PURG: variants seen among roughly 807,000 people sequenced by gnomAD.
PURG encodes purine rich element binding protein G.
In PURG, 3 loss-of-function variants were observed where a neutral mutation model predicts 24.3. That is an observed-to-expected ratio of 0.12 (90% CI 0.06 to 0.32). PURG has a LOEUF of 0.32. PURG is among the 10% of genes least tolerant of loss of function. The probability of loss-of-function intolerance (pLI) is 1.00; values close to 1 mark genes in which losing one functional copy is unlikely to be tolerated. For missense variants in PURG, 371 were observed against 439.1 expected (o/e 0.84, Z 1.39); for synonymous variants, 180 against 173.1 (o/e 1.04, Z -0.31).
chr8:31,017,048 G>A lies in PURG; in HGVS notation c.864+14871C>T, dbSNP rs151033427. On this transcript the variant is annotated intron_variant, in intron 1 of 1. Transcript: ENST00000339382. The stretch of plus-strand genomic sequence containing the variant: ...CACATATTAGAAGAGACACATTCCA[G>A]GTGAGTCACATGGTAGTTTGTGCTG... 2.4e-3 allele frequency among the ~76,000 whole-genome samples: 372 copies of A among 152,286 alleles called. 8 individuals carry two copies. In the East Asian group the frequency reaches 0.039, roughly 16 times the overall value.
In PURG at chr8:31,014,477, T is replaced by G. The variant is rs1335425489; in HGVS notation, c.864+17442A>C. Among the ~76,000 whole-genome samples the G allele has an allele frequency of 2.0e-5, 3 of 152,180 alleles. No individual in the cohort carries two copies. In the South Asian group the frequency reaches 6.2e-4, roughly 32 times the overall value. On this transcript the variant is annotated intron_variant, in intron 1 of 1. Transcript: ENST00000339382. ...TTTACAGAATAAGAGTTTAAAAAAT[T>G]TATTTCTCGGGTTGAGTATTTTCTT... is the stretch of plus-strand genomic sequence containing the variant.
Position 31,031,992 on chromosome 8 carries a change from C to T in PURG, c.791G>A (p.Gly264Glu). The T allele has an allele frequency of 2.5e-6, 4 of 1,614,160 alleles. No individual in the cohort carries two copies. The highest frequency in any genetic ancestry group is 3.4e-6 in the Non-Finnish European group (4 of 1,180,038). Residue 264 changes from glycine (G) to glutamate (E), a missense_variant, in exon 2 of 2, where the codon GGG becomes GAG. By Grantham distance (98) the Gly-to-Glu change is moderately conservative (BLOSUM62 -2). Coordinates refer to ENST00000523392, the MANE Select transcript of PURG (RefSeq NM_001323311.2). The stretch of plus-strand genomic sequence containing the variant: ...TTTATTGTCCACTCTGAAAGAAGTC[C>T]CCTCTGGGAGTTCAAGCGGGTCATC... The part of the protein sequence containing the change: ...GDDDPLELPE[G>E]TSFRVDNKRF...
chr8:30,996,626 C>T (rs1402750366), exon 2 of PURG: 1 of 1,611,758 alleles, frequency 6.2e-7, no homozygotes. Flanking sequence ...TATCATGGGG[C>T]TGTTCCTTAT....
Position 31,032,138 on chromosome 8 carries a change from A to T in PURG, c.645T>A (p.Ser215Arg). 6.2e-7 allele frequency: 1 copy of T among 1,614,088 alleles called. No individual in the cohort carries two copies. The highest frequency in any genetic ancestry group is 8.5e-7 in the Non-Finnish European group (1 of 1,179,984). Residue 215 changes from serine (S) to arginine (R), a missense_variant, in exon 2 of 2, where the codon AGT (serine) becomes AGA (arginine). Physicochemically the swap from Ser to Arg is moderately radical, Grantham distance 110. Coordinates refer to ENST00000523392, the MANE Select transcript of PURG (RefSeq NM_001323311.2). This position sits in a 1 kb window ranked among gnomAD's most constrained non-coding sequence, Gnocchi z 5.9. ...GTGMIGYFGH[S>R]LGQEQTIVLP... Reference sequence around the variant, plus strand: ...GGACAATAGTCTGTTCTTGGCCCAAACTGTGGCCAAAATAACCTATCATGC... The same window carrying T: ...GGACAATAGTCTGTTCTTGGCCCAATCTGTGGCCAAAATAACCTATCATGC...
At position 31,031,583 on chromosome 8, in the gene PURG, T is replaced by G; in HGVS notation, c.*156A>C. On this transcript the variant is annotated 3_prime_UTR_variant, in exon 2 of 2. Transcript: ENST00000523392. ...GAATTATAGTGATCTATGTGTAACA[T>G]AACATGAGAATCAGACTTCCTGAAG... The G allele has an allele frequency of 1.5e-6, 1 of 684,660 alleles. No homozygotes were observed. The highest frequency in any genetic ancestry group is 2.4e-6 in the Non-Finnish European group (1 of 413,464). 42.4% of individuals were successfully genotyped at this position (684,660 alleles called of 1,614,324 possible).
intron 1 of PURG, among the ~76,000 whole-genome samples, chr8:31,021,224 T>C (rs755156341): frequency 6.6e-6 from 1 of 152,140 alleles, no homozygotes; most frequent in African/African-American, 2.4e-5. Context: ...AAAATATTGA[T>C]AAGATTTATT....
At chr8:31,002,464 T>C (rs754613245) in intron 1 of PURG, among the ~76,000 whole-genome samples, 1 of 152,188 alleles carries the variant, frequency 6.6e-6, no homozygotes, top group Non-Finnish European at 1.5e-5. Flanking sequence ...TTTGCAATGA[T>C]ACCATGTAAA....
intron 1 of PURG, among the ~76,000 whole-genome samples, chr8:31,010,194 A>T (rs917993841): frequency 5.3e-5 from 8 of 152,276 alleles, no homozygotes; most frequent in Non-Finnish European, 8.8e-5. Context: ...ATGTAGTTTT[A>T]CATCTTAAAT....
rs1218431862 is a variant in PURG at position 31,031,026 on chromosome 8, A to G, written c.*713T>C. On this transcript the variant is annotated 3_prime_UTR_variant, in exon 2 of 2. Coordinates refer to ENST00000523392, the MANE Select transcript of PURG (RefSeq NM_001323311.2). ...AATAAAAATATATGGAACATTAAGTAGAGGTAAAGAAGGGATTGTAACTAA... is the reference window on the plus strand; with the variant it reads ...AATAAAAATATATGGAACATTAAGTGGAGGTAAAGAAGGGATTGTAACTAA... 1 of 152,578 alleles carries G rather than the reference A, an allele frequency of 6.6e-6. No individual in the cohort carries two copies. Among genetic ancestry groups the G allele is most frequent in the African/African-American group, 2.4e-5 (1 of 41,468 alleles). 9.5% of individuals were successfully genotyped at this position (152,578 alleles called of 1,614,324 possible). A position where few individuals can be genotyped will look rare whatever the true frequency, so the allele number is the denominator to read the frequency against.
rs922013857 is a variant in PURG at position 31,030,857 on chromosome 8, C to A, written c.*882G>T. 5.9e-5 allele frequency: 9 copies of A among 151,626 alleles called. No homozygotes were observed. Among genetic ancestry groups the A allele is most frequent in the Non-Finnish European group, 1.3e-4 (9 of 67,834 alleles). 9.4% of individuals were successfully genotyped at this position (151,626 alleles called of 1,614,324 possible). ...AGCATAAAGTATAACACCTTGAGTC[C>A]ATGATATATTTTGGGGAAGAAACCT... On this transcript the variant is annotated 3_prime_UTR_variant, in exon 2 of 2. Transcript: ENST00000523392.
At chr8:31,020,822 T>C (rs1810976425) in intron 1 of PURG, among the ~76,000 whole-genome samples, 1 of 152,120 alleles carries the variant, frequency 6.6e-6, no homozygotes, top group Non-Finnish European at 1.5e-5. Context: ...CTGACAGCAG[T>C]GTGGTTCTTA....
chr8:31,007,154 CAT>C (rs1199553269), intron 1 of PURG, among the ~76,000 whole-genome samples: 1 of 152,124 alleles, frequency 6.6e-6, no homozygotes, highest in African/African-American at 2.4e-5. Context: ...AAAGGACAGT[CAT>C]GTGCTGTTTC....
rs752205523 is a variant in PURG, at chr8:31,031,896, T to C, written c.887A>G (p.Tyr296Cys). The change falls in exon 2 of 2, where the codon TAC becomes TGC. Residue 296 changes from tyrosine to cysteine, a missense_variant. Around this residue, in one of 5 missense-constraint regions of PURG, gnomAD observed 103 missense variants for 127.7 expected, o/e 0.81. Coordinates refer to ENST00000523392, the MANE Select transcript of PURG (RefSeq NM_001323311.2). Reference sequence around the variant, plus strand: ...GAATGGAACAGTAATAGTATTACGGTAAGGTGGTCTCACCTCACTTACCTT... The same window carrying C: ...GAATGGAACAGTAATAGTATTACGGCAAGGTGGTCTCACCTCACTTACCTT... ...FLKVSEVRPP[Y>C]RNTITVPFKA... The C allele has an allele frequency of 2.5e-6, 4 of 1,613,990 alleles. No individual in the cohort carries two copies. The highest frequency in any genetic ancestry group is 3.4e-6 in the Non-Finnish European group (4 of 1,180,016).
intron 1 of PURG, among the ~76,000 whole-genome samples, chr8:31,021,718 A>G (rs1442227278): frequency 6.6e-6 from 1 of 152,196 alleles, no homozygotes; most frequent in African/African-American, 2.4e-5. Context: ...TTTGGGTTCA[A>G]ATACATTAGT....
intron 1 of PURG, among the ~76,000 whole-genome samples, chr8:31,024,379 T>C (rs913049824): frequency 1.3e-5 from 2 of 152,152 alleles, no homozygotes; most frequent in Non-Finnish European, 1.5e-5. Context: ...ACAATACTGT[T>C]CATCTTTCAC....
rs1335933168 is a variant in PURG at position 31,033,147 on chromosome 8, GC to G, written c.-77del. 3 of 217,154 alleles carry G rather than the reference GC, an allele frequency of 1.4e-5. No individual in the cohort carries two copies. Among genetic ancestry groups the G allele is most frequent in the Non-Finnish European group, 2.7e-5 (3 of 112,228 alleles). 13.5% of individuals were successfully genotyped at this position (217,154 alleles called of 1,614,324 possible). A position where few individuals can be genotyped will look rare whatever the true frequency, so the allele number is the denominator to read the frequency against. On this transcript the variant is annotated 5_prime_UTR_variant, in exon 1 of 2. An upstream open reading frame in the 5' UTR loses its in-frame stop. Coordinates refer to ENST00000523392, the MANE Select transcript of PURG (RefSeq NM_001323311.2). ...CCGCCGCCGCCACCGCCAGCTCTCGGCCCCTCTGCTGCAGCCGCCGCAGCCG... is the reference window on the plus strand; with the variant it reads ...CCGCCGCCGCCACCGCCAGCTCTCGGCCCTCTGCTGCAGCCGCCGCAGCCG...
rs1259795931 is a variant in PURG at position 31,032,541 on chromosome 8, C to T, written c.242G>A (p.Arg81Gln). 2 of 1,614,182 alleles carry T rather than the reference C, an allele frequency of 1.2e-6. No homozygotes were observed. The highest frequency in any genetic ancestry group is 1.1e-5 in the South Asian group (1 of 91,082). ...RFYLDVKQSS[R>Q]GRFLKIAEVW... ...TTCGGCTATCTTTAGGAAGCGGCCC[C>T]GGGAGCTTTGCTTCACGTCTAGGTA... The change falls in exon 2 of 2, where the codon CGG becomes CAG. Residue 81 changes from arginine to glutamine, a missense_variant. Physicochemically the swap from Arg to Gln is conservative, Grantham distance 43 (BLOSUM62 1). Coordinates refer to ENST00000523392, the MANE Select transcript of PURG (RefSeq NM_001323311.2). This position sits in a 1 kb window ranked among gnomAD's most constrained non-coding sequence, Gnocchi z 5.9.
intron 1 of PURG, among the ~76,000 whole-genome samples, chr8:31,000,558 C>G (rs1485749305): frequency 1.3e-5 from 2 of 152,096 alleles, no homozygotes; most frequent in Non-Finnish European, 2.9e-5. Context: ...TGACAGATGA[C>G]CTGGGCTCTG....
exon 2 of PURG, chr8:30,996,484 C>T: frequency 4.1e-6 from 3 of 725,394 alleles, no homozygotes; most frequent in South Asian, 4.2e-5. Context: ...CTTGTCTTCC[C>T]TTCCGTGGAG....
Sources: allele counts gnomAD v4.1 joint callset (sites outside exome capture counted in the v4.1 genomes callset), GRCh38; gene constraint gnomAD v4.1.1; regional missense constraint gnomAD v4.1.1; non-coding constraint Gnocchi (gnomAD v3.1); transcripts MANE v1.5; gene names NCBI Gene and HGNC (gene_info 2026-07-23, HGNC 2026-07-21).